Variants in MUC15 observed in about 807,000 individuals in gnomAD.
The protein encoded by MUC15 is mucin-15.
Under a neutral mutation model 24.0 loss-of-function variants are expected in MUC15, and 23 were observed. The ratio of observed to expected loss-of-function variants is 0.96; its 90% CI spans 0.69 to 1.36. The LOEUF (loss-of-function observed/expected upper bound fraction) is 1.36, where lower values mean the gene tolerates loss of function less well. MUC15 is among the 40% of genes most tolerant of loss of function. The pLI is 0.00. For synonymous variants in MUC15, 151 were observed against 156.3 expected (o/e 0.97, Z 0.25); for missense variants, 442 against 428.2 (o/e 1.03, Z -0.29).
chr11:26,562,134 G>A (rs1161016994), intron 4 of MUC15, among the ~76,000 whole-genome samples: 1 of 151,834 alleles, frequency 6.6e-6, no homozygotes, highest in Non-Finnish European at 1.5e-5. Flanking sequence ...GAGATTACAT[G>A]TAAAGACAAG....
Position 26,565,567 on chromosome 11 carries a change from C to G in MUC15, c.373G>C (p.Gly125Arg). 1 of 1,613,202 alleles carries G rather than the reference C, an allele frequency of 6.2e-7. No homozygotes were observed. Reference protein sequence around the residue: ...SSNSSAEHSLGSLKPTSTIST... With the variant: ...SSNSSAEHSLRSLKPTSTIST... ...ATGGTAGATGTGGGTTTTAGACTGC[C>G]CAAAGAATGCTCTGCTGATGAGTTA... The change falls in exon 3 of 5, where the codon GGC (glycine) becomes CGC (arginine). Residue 125 changes from glycine (G) to arginine (R), a missense_variant. By Grantham distance (125) the Gly-to-Arg change is moderately radical. Transcript: ENST00000529533.
At chr11:26,563,395 CTGTGTGTGTG>C (rs71047867) in intron 3 of MUC15, 130 bp from the exon 4 acceptor site, 27,232 of 526,150 alleles carry the variant, frequency 0.052, 27 homozygotes, top group Middle Eastern at 0.061. Flanking sequence ...GTTTCTCTCT[CTGTGTGTGTG>C]TGTGTGTGTG....
chr11:26,561,232 A>C lies in MUC15; in HGVS notation c.926-7T>G. 6.3e-7 allele frequency: 1 copy of C among 1,597,274 alleles called. No individual in the cohort carries two copies. Among genetic ancestry groups the C allele is most frequent in the East Asian group, 2.3e-5 (1 of 43,624 alleles). On this transcript the variant is annotated splice_region_variant and splice_polypyrimidine_tract_variant and intron_variant, in intron 4 of 4. Transcript: ENST00000529533. ...GCATTGTCTAATCGCAGAACTAAAAAAGTAACAAAATAATACTGTTTCACA... is the reference window on the plus strand; with the variant it reads ...GCATTGTCTAATCGCAGAACTAAAACAGTAACAAAATAATACTGTTTCACA...
Position 26,561,089 on chromosome 11 carries a change from TA to T in MUC15, c.1061del (p.Ile354AsnfsTer55). ...NARDGIPMDD[I>X]PPLRTSV ...TCTATACAGAAGTACGAAGTGGAGG[TA>T]TGTCATCCATAGGAATGCCATCACG... On this transcript the variant is annotated frameshift_variant, in exon 5 of 5. Transcript: ENST00000529533. LOFTEE classifies it high-confidence loss of function. 6.2e-7 allele frequency: 1 copy of T among 1,611,644 alleles called. No individual in the cohort carries two copies. Among genetic ancestry groups the T allele is most frequent in the Non-Finnish European group, 8.5e-7 (1 of 1,178,680 alleles).
intron 3 of MUC15, among the ~76,000 whole-genome samples, chr11:26,564,827 G>A (rs191699497): frequency 7.5e-6 from 1 of 132,534 alleles, no homozygotes; most frequent in African/African-American, 2.8e-5. Context: ...TGAAATTTCA[G>A]GTAGTCTTTT....
chr11:26,559,696 A>G lies in MUC15; in HGVS notation c.*1369T>C, dbSNP rs767578428. The G allele has an allele frequency of 3.8e-6, 6 of 1,582,370 alleles. No individual in the cohort carries two copies. The South Asian group carries it at 6.6e-5, about 17-fold the overall frequency. On this transcript the variant is annotated 3_prime_UTR_variant, in exon 5 of 5. Transcript: ENST00000529533. ...ATTATAATCAATTTGCATGACTAATATTTCTGTTTGTTTTCTACTCAGGTG... is the reference window on the plus strand; with the variant it reads ...ATTATAATCAATTTGCATGACTAATGTTTCTGTTTGTTTTCTACTCAGGTG...
chr11:26,564,801 T>C (rs1487985332), intron 3 of MUC15, among the ~76,000 whole-genome samples: 1 of 124,168 alleles, frequency 8.1e-6, no homozygotes, highest in Non-Finnish European at 1.7e-5. Flanking sequence ...AGTTGTATAG[T>C]ATTCACATGA....
At chr11:26,561,367 T>C in intron 4 of MUC15, 142 bp from the exon 5 acceptor site, 1 of 648,280 alleles carries the variant, frequency 1.5e-6, no homozygotes, top group Non-Finnish European at 2.4e-6. Flanking sequence ...AGTTTTAAAA[T>C]TTTAAATAAG....
At chr11:26,568,225 T>G (rs1169859649) in intron 1 of MUC15, among the ~76,000 whole-genome samples, 1 of 152,052 alleles carries the variant, frequency 6.6e-6, no homozygotes, top group African/African-American at 2.4e-5. Context: ...TTCCATTTAA[T>G]GCTAACCAAA....
intron 3 of MUC15, among the ~76,000 whole-genome samples, chr11:26,564,021 G>A (rs1014334091): frequency 1.3e-5 from 2 of 151,558 alleles, no homozygotes; most frequent in Admixed American, 1.3e-4. Context: ...GTCTTGCAGG[G>A]TCTCTGATTC....
At chr11:26,564,726 CACACACATATATATAT>C (rs1358050945) in intron 3 of MUC15, among the ~76,000 whole-genome samples, 126 of 49,218 alleles carry the variant, frequency 2.6e-3, no homozygotes, top group Non-Finnish European at 3.1e-3. Flanking sequence ...CACACACACA[CACACACATATATATAT>C]ATATATATAT....
intron 3 of MUC15, among the ~76,000 whole-genome samples, chr11:26,563,838 T>C (rs1210488131): frequency 6.6e-6 from 1 of 151,870 alleles, no homozygotes; most frequent in Non-Finnish European, 1.5e-5. Flanking sequence ...AGAACAGTTG[T>C]CTAGGCCTGA....
intron 1 of MUC15, among the ~76,000 whole-genome samples, chr11:26,570,433 G>A (rs1048162663): frequency 3.9e-5 from 6 of 152,062 alleles, no homozygotes; most frequent in African/African-American, 1.4e-4. Context: ...TGAAATCGTG[G>A]GTCATACTTA....
intron 1 of MUC15, among the ~76,000 whole-genome samples, chr11:26,569,875 A>C (rs1294011256): frequency 6.6e-6 from 1 of 152,046 alleles, no homozygotes; most frequent in Non-Finnish European, 1.5e-5. Flanking sequence ...GGATGAAAGA[A>C]AAGTAGAATT....
At chr11:26,564,718 CACACACACACACACATATAT>C (rs1850458782) in intron 3 of MUC15, among the ~76,000 whole-genome samples, 2 of 74,932 alleles carry the variant, frequency 2.7e-5, no homozygotes, top group Non-Finnish European at 5.2e-5. Flanking sequence ...CACACACACA[CACACACACACACACATATAT>C]ATATATATAT....
At chr11:26,564,780 T>TCTG (rs751785111) in intron 3 of MUC15, among the ~76,000 whole-genome samples, 1 of 92,652 alleles carries the variant, frequency 1.1e-5, no homozygotes. Context: ...TATATATATA[T>TCTG]ATATAAGTTC....
At chr11:26,570,611 A>G (rs1019575264) in intron 1 of MUC15, among the ~76,000 whole-genome samples, 1 of 152,140 alleles carries the variant, frequency 6.6e-6, no homozygotes, top group Admixed American at 6.6e-5. Context: ...ACATGTTTCT[A>G]TAGTAAAATC....
Position 26,559,569 on chromosome 11 carries a change from C to A in MUC15, c.*1496G>T. The A allele has an allele frequency of 1.7e-6, 1 of 602,576 alleles. No individual in the cohort carries two copies. Among genetic ancestry groups the A allele is most frequent in the Non-Finnish European group, 2.9e-6 (1 of 339,882 alleles). The allele number at this position is 602,576 out of a possible 1,614,324, so 37.3% of individuals were successfully genotyped here. A position where few individuals can be genotyped will look rare whatever the true frequency, so the allele number is the denominator to read the frequency against. ...AAATCATGTGAAATTGTTGCAAGAC[C>A]CATGAAAGGAATTCATATATAATAT... On this transcript the variant is annotated 3_prime_UTR_variant, in exon 5 of 5. Transcript: ENST00000529533.
Position 26,565,509 on chromosome 11 carries a change from A to T in MUC15, c.431T>A (p.Val144Asp). 1.2e-6 allele frequency: 2 copies of T among 1,613,414 alleles called. No homozygotes were observed. The highest frequency in any genetic ancestry group is 2.2e-5 in the South Asian group (2 of 91,076). Residue 144 changes from valine to aspartate, a missense_variant, in exon 3 of 5, where the codon GTT (valine) becomes GAT (aspartate). By Grantham distance (152) the Val-to-Asp change is radical. Transcript: ENST00000529533. Reference sequence around the variant, plus strand: ...AGGTGCATTCCAAGGCACTTTAGAAACAAAGCTATGGATCAAGGGAGGGCT... The same window carrying T: ...AGGTGCATTCCAAGGCACTTTAGAATCAAAGCTATGGATCAAGGGAGGGCT... ...STSPPLIHSF[V>D]SKVPWNAPIA...
Sources: gnomAD v4.1 joint callset for allele counts (sites outside exome capture counted in the v4.1 genomes callset) on GRCh38, gnomAD v4.1.1 for gene constraint, MANE v1.5 for transcripts, NCBI Gene and HGNC (gene_info 2026-07-23, HGNC 2026-07-21) for gene names.